Variants in ASIC2 observed in about 807,000 individuals in gnomAD.
ASIC2 encodes acid-sensing ion channel 2.
In ASIC2, 25 loss-of-function variants were observed where a neutral mutation model predicts 57.3. The observed-to-expected ratio is 0.44, with a 90% CI of 0.32 to 0.61. ASIC2 has a LOEUF of 0.61. Ranked by LOEUF, ASIC2 falls within the 20% of genes least tolerant of loss-of-function variation. ASIC2 has a pLI of 0.06. For synonymous variants in ASIC2, 319 were observed against 307.5 expected, an observed-to-expected ratio of 1.04 and a Z score of -0.39; for missense variants, 641 against 738.1, an observed-to-expected ratio of 0.87 and a Z score of 1.52.
intron 1 of ASIC2, among the ~76,000 whole-genome samples, chr17:33,160,346 T>C (rs935354369): frequency 6.6e-6 from 1 of 152,206 alleles, no homozygotes; most frequent in African/African-American, 2.4e-5. Context: ...ATTTAATAGA[T>C]AAGAAAATGG....
chr17:33,291,130 A>C, intron 1 of ASIC2: 2 of 534,034 alleles, frequency 3.7e-6, no homozygotes, highest in Non-Finnish European at 6.1e-6. Context: ...CGGGACCATA[A>C]GGAGTAGAAT....
rs552612136 is a variant in ASIC2, at chr17:33,111,346, G to A, written c.859+571C>T. ...AGATAGTATACATGGTTTACGAATA[G>A]TTTGCTGAAGAAATAAATGAATAAA... On this transcript the variant is annotated intron_variant, in intron 2 of 9. Coordinates refer to ENST00000225823, the MANE Select transcript of ASIC2 (RefSeq NM_183377.2). 2.8e-3 allele frequency among the ~76,000 whole-genome samples: 423 copies of A among 152,330 alleles called. 2 individuals are homozygous for A. Among genetic ancestry groups the A allele is most frequent in the Non-Finnish European group, 4.8e-3 (327 of 68,036 alleles).
intron 1 of ASIC2, among the ~76,000 whole-genome samples, chr17:33,953,126 A>G (rs904406650): frequency 3.9e-5 from 6 of 152,052 alleles, no homozygotes; most frequent in Non-Finnish European, 7.3e-5. Flanking sequence ...ATCTACATAC[A>G]ATGCATTTAA....
intron 1 of ASIC2, among the ~76,000 whole-genome samples, chr17:33,265,657 T>A (rs111970755): frequency 2.6e-5 from 4 of 152,242 alleles, no homozygotes; most frequent in African/African-American, 9.6e-5. Flanking sequence ...AACCCTGGAA[T>A]GTAAAATAAA....
At chr17:33,544,020 G>A (rs547797547) in intron 1 of ASIC2, among the ~76,000 whole-genome samples, 5 of 152,318 alleles carry the variant, frequency 3.3e-5, no homozygotes, top group African/African-American at 1.2e-4. Flanking sequence ...TTGGCCCTTT[G>A]CAGTCAATCT....
At chr17:33,466,477 T>G (rs766604238) in intron 1 of ASIC2, among the ~76,000 whole-genome samples, 1 of 151,938 alleles carries the variant, frequency 6.6e-6, no homozygotes, top group Admixed American at 6.6e-5. Flanking sequence ...CTCCACAGAA[T>G]TGGGAAAAAA....
At chr17:33,415,533 A>AGC (rs1768675298) in intron 1 of ASIC2, among the ~76,000 whole-genome samples, 1 of 151,546 alleles carries the variant, frequency 6.6e-6, no homozygotes, top group African/African-American at 2.4e-5. Flanking sequence ...GATTTTTCTG[A>AGC]GAGAGAGAGA....
At chr17:33,376,895 CA>C (rs1909298095) in intron 1 of ASIC2, among the ~76,000 whole-genome samples, 1 of 152,148 alleles carries the variant, frequency 6.6e-6, no homozygotes, top group Non-Finnish European at 1.5e-5. Flanking sequence ...AATTATTTTT[CA>C]ATTCTCACAA....
At chr17:33,475,757 A>G (rs979283387) in intron 1 of ASIC2, among the ~76,000 whole-genome samples, 1 of 152,186 alleles carries the variant, frequency 6.6e-6, no homozygotes, top group Non-Finnish European at 1.5e-5. Flanking sequence ...AGGGAAAGCA[A>G]GCGGCCTTAT....
At chr17:33,855,960 C>T (rs1220597072) in intron 1 of ASIC2, among the ~76,000 whole-genome samples, 1 of 151,936 alleles carries the variant, frequency 6.6e-6, no homozygotes, top group Non-Finnish European at 1.5e-5. Flanking sequence ...TGATAAGGTC[C>T]TTACTCCTGA....
intron 1 of ASIC2, among the ~76,000 whole-genome samples, chr17:33,191,215 A>C (rs1340246629): frequency 6.6e-6 from 1 of 152,206 alleles, no homozygotes; most frequent in African/African-American, 2.4e-5. Flanking sequence ...TCAGTTAAAG[A>C]AGTCAGACAA....
At chr17:33,139,049 G>T (rs78473282) in intron 1 of ASIC2, among the ~76,000 whole-genome samples, 1,902 of 152,242 alleles carry the variant, frequency 0.012, 13 homozygotes, top group Non-Finnish European at 0.02. Context: ...TTGTAAAGTG[G>T]GAGGGCAGGG....
intron 1 of ASIC2, among the ~76,000 whole-genome samples, chr17:33,671,060 G>A (rs951208204): frequency 3.9e-5 from 6 of 152,134 alleles, no homozygotes; most frequent in Non-Finnish European, 7.3e-5. Flanking sequence ...CATGAGACCC[G>A]TCTGGCTTTA....
intron 1 of ASIC2, among the ~76,000 whole-genome samples, chr17:33,996,159 A>T (rs919843499): frequency 6.6e-6 from 1 of 152,130 alleles, no homozygotes; most frequent in Admixed American, 6.5e-5. Flanking sequence ...CCTTTGAAAA[A>T]TGCCATATTT....
rs575611557 is a variant in ASIC2 at position 33,496,178 on chromosome 17, G to C, written c.556-384111C>G. ...AAGGCAGAAGAACAGAAAGCCATGG[G>C]CATTGTCTAGGAAAGACAGGATGAG... On this transcript the variant is annotated intron_variant, in intron 1 of 9. Coordinates refer to the ASIC2 transcript ENST00000359872. Among the ~76,000 whole-genome samples, 22 of 152,310 alleles carry C rather than the reference G, an allele frequency of 1.4e-4. 1 individual carries two copies. In the South Asian group the frequency reaches 4.6e-3, roughly 32 times the overall value.
chr17:33,665,945 G>A (rs1469051933), intron 1 of ASIC2, among the ~76,000 whole-genome samples: 2 of 152,052 alleles, frequency 1.3e-5, no homozygotes, highest in Admixed American at 6.5e-5. Flanking sequence ...CTGTGCGTGC[G>A]ACTATGTATT....
chr17:33,921,672 G>C (rs1915711654), intron 1 of ASIC2, among the ~76,000 whole-genome samples: 1 of 152,016 alleles, frequency 6.6e-6, no homozygotes. Flanking sequence ...ATTTAAGGAG[G>C]GAAAAAGATG....
intron 1 of ASIC2, among the ~76,000 whole-genome samples, chr17:33,287,429 A>G (rs1667279300): frequency 6.6e-6 from 1 of 152,182 alleles, no homozygotes; most frequent in African/African-American, 2.4e-5. Flanking sequence ...CAGTGCTCAG[A>G]TAGCTCTGCC....
intron 1 of ASIC2, among the ~76,000 whole-genome samples, chr17:34,131,203 C>A (rs1029107525): frequency 6.6e-6 from 1 of 152,014 alleles, no homozygotes; most frequent in Non-Finnish European, 1.5e-5. Flanking sequence ...TGCAGATTGG[C>A]AAGACAATAG....
Sources: gnomAD v4.1 joint callset for allele counts (sites outside exome capture counted in the v4.1 genomes callset) on GRCh38, gnomAD v4.1.1 for gene constraint, MANE v1.5 for transcripts, NCBI Gene and HGNC (gene_info 2026-07-23, HGNC 2026-07-21) for gene names.